STT3B: variants seen among roughly 807,000 people sequenced by gnomAD.
The protein encoded by STT3B is STT3 oligosaccharyltransferase complex catalytic subunit B, also known as dolichyl-diphosphooligosaccharide--protein glycosyltransferase subunit STT3B.
A neutral mutation model predicts 96.8 loss-of-function variants in STT3B; 29 were observed. That is an observed-to-expected ratio of 0.30 (90% CI 0.22 to 0.41). The LOEUF is 0.41. Ranked by LOEUF, STT3B falls within the 10% of genes least tolerant of loss-of-function variation. The pLI is 1.00. For missense variants in STT3B, 640 were observed against 1,022.3 expected, an observed-to-expected ratio of 0.63 and a Z score of 5.10; for synonymous variants, 367 against 360.0, an observed-to-expected ratio of 1.02 and a Z score of -0.22.
At position 31,633,095 on chromosome 3, in the gene STT3B, A is replaced by G. The variant is rs1447381628; in HGVS notation, c.2348A>G (p.His783Arg). 1 of 1,614,104 alleles carries G rather than the reference A, an allele frequency of 6.2e-7. No individual in the cohort carries two copies. Among genetic ancestry groups the G allele is most frequent in the Non-Finnish European group, 8.5e-7 (1 of 1,179,966 alleles). The change falls in exon 15 of 16, where the codon CAC (histidine) becomes CGC (arginine). Residue 783 changes from histidine to arginine, a missense_variant. Around this residue, in one of 8 missense-constraint regions of STT3B, gnomAD observed 51 missense variants for 64.2 expected, o/e 0.79. Coordinates refer to ENST00000295770, the MANE Select transcript of STT3B (RefSeq NM_178862.3). The stretch of plus-strand genomic sequence containing the variant: ...CCTGATAACAGGGAGACATTAGATC[A>G]CAAACCTCGAGTCACCAACATTTTC... ...KAPDNRETLD[H>R]KPRVTNIFPK... is the part of the protein sequence containing the mutation.
Position 31,533,322 on chromosome 3 carries a change from T to A in STT3B, c.314+10T>A. The A allele has an allele frequency of 6.6e-7, 1 of 1,513,960 alleles. No homozygotes were observed. The highest frequency in any genetic ancestry group is 8.9e-7 in the Non-Finnish European group (1 of 1,129,790). 93.8% of individuals were successfully genotyped at this position (1,513,960 alleles called of 1,614,324 possible). ...ACGAGTTCGACCCGTGGTAAGTGCC[T>A]CGCCGCCCCTCCCCCGCCCGTGGCC... On this transcript the variant is annotated intron_variant, in intron 1 of 15. Transcript: ENST00000295770.
intron 1 of STT3B, among the ~76,000 whole-genome samples, chr3:31,561,088 TTC>T (rs910095983): frequency 1.3e-5 from 2 of 152,028 alleles, no homozygotes; most frequent in Admixed American, 6.5e-5. Flanking sequence ...GTTCTAGAAT[TTC>T]TGTTTGGTTC....
In STT3B at chr3:31,576,480, A is replaced by G; in HGVS notation, c.399A>G (p.Pro133=). The stretch of plus-strand genomic sequence containing the variant: ...GGTTTGATGAAAGAGCATGGTATCC[A>G]CTAGGAAGAATAGTAGGTGGTACTG... ...LNWFDERAWY[P]LGRIVGGTVY... is the part of the protein sequence containing the mutation. The change falls in exon 2 of 16, where the codon CCA becomes CCG. Residue 133 remains proline, a synonymous_variant. Coordinates refer to ENST00000295770, the MANE Select transcript of STT3B (RefSeq NM_178862.3). 6.3e-7 allele frequency: 1 copy of G among 1,590,788 alleles called. No individual in the cohort carries two copies. Among genetic ancestry groups the G allele is most frequent in the Non-Finnish European group, 8.6e-7 (1 of 1,163,426 alleles).
chr3:31,557,981 C>T (rs558593517), intron 1 of STT3B, among the ~76,000 whole-genome samples: 17 of 152,192 alleles, frequency 1.1e-4, no homozygotes, highest in Admixed American at 5.9e-4. Context: ...GCTAGTTTGT[C>T]ATTGACATAT....
chr3:31,535,130 G>T (rs1458457094), intron 1 of STT3B, among the ~76,000 whole-genome samples: 1 of 151,928 alleles, frequency 6.6e-6, no homozygotes, highest in African/African-American at 2.4e-5. Flanking sequence ...GAAGGCTAAC[G>T]ACTGTTTAAT....
intron 1 of STT3B, among the ~76,000 whole-genome samples, chr3:31,541,464 C>CT (rs1318453174): frequency 1.1e-4 from 13 of 118,642 alleles, no homozygotes; most frequent in East Asian, 2.5e-4. Flanking sequence ...CTTTTTTTTT[C>CT]TTTTTTTGTT....
At chr3:31,633,178 A>G (rs1699696416) in intron 15 of STT3B, 31 bp downstream of exon 15, 3 of 1,582,110 alleles carry the variant, frequency 1.9e-6, no homozygotes, top group Non-Finnish European at 2.6e-6. Flanking sequence ...TTAAAGGGTA[A>G]CTTAAGGTGT....
chr3:31,569,291 A>G (rs1698082360), intron 1 of STT3B, among the ~76,000 whole-genome samples: 1 of 152,156 alleles, frequency 6.6e-6, no homozygotes, highest in Non-Finnish European at 1.5e-5. Context: ...TACATCAGCC[A>G]TATGCTTTAA....
chr3:31,588,667 T>G (rs1698599975), intron 3 of STT3B, among the ~76,000 whole-genome samples: 1 of 152,264 alleles, frequency 6.6e-6, no homozygotes, highest in African/African-American at 2.4e-5. Flanking sequence ...ATGTCTGTGA[T>G]TCATTTTGAG....
intron 13 of STT3B, 128 bp downstream of exon 13, chr3:31,626,255 T>C: frequency 1.2e-6 from 1 of 824,236 alleles, no homozygotes; most frequent in Non-Finnish European, 1.8e-6. Flanking sequence ...TACCCTGGCT[T>C]TACTATTTAT....
At chr3:31,604,937 G>T (rs1699014220) in intron 5 of STT3B, among the ~76,000 whole-genome samples, 1 of 152,084 alleles carries the variant, frequency 6.6e-6, no homozygotes, top group Non-Finnish European at 1.5e-5. Context: ...ATGTCCTTAG[G>T]CCTTAATGTC....
intron 15 of STT3B, among the ~76,000 whole-genome samples, chr3:31,634,638 A>G (rs897232462): frequency 3.3e-5 from 5 of 152,180 alleles, no homozygotes; most frequent in African/African-American, 1.2e-4. Context: ...CTGAGAGTTT[A>G]CCAGCCATCG....
chr3:31,631,476 C>T (rs1157731685), intron 14 of STT3B, among the ~76,000 whole-genome samples: 2 of 152,156 alleles, frequency 1.3e-5, no homozygotes, highest in South Asian at 2.1e-4. Context: ...TTTTCTTCCT[C>T]TCTTTTAAGT....
At chr3:31,603,092 GA>G in intron 5 of STT3B, among the ~76,000 whole-genome samples, 1 of 151,980 alleles carries the variant, frequency 6.6e-6, no homozygotes, top group Non-Finnish European at 1.5e-5. Flanking sequence ...CCCTTGAGCA[GA>G]AATGTTTAGG....
intron 15 of STT3B, 45 bp downstream of exon 15, chr3:31,633,192 G>C: frequency 1.3e-6 from 2 of 1,525,540 alleles, no homozygotes; most frequent in Non-Finnish European, 1.8e-6. Context: ...AAGGTGTGTT[G>C]GTTTGTATGA....
At chr3:31,608,431 G>C (rs1699107063) in intron 5 of STT3B, among the ~76,000 whole-genome samples, 1 of 152,154 alleles carries the variant, frequency 6.6e-6, no homozygotes, top group South Asian at 2.1e-4. Flanking sequence ...GAAACTGAAA[G>C]TTCAAACACA....
At chr3:31,549,415 T>A (rs1430294792) in intron 1 of STT3B, among the ~76,000 whole-genome samples, 1 of 152,058 alleles carries the variant, frequency 6.6e-6, no homozygotes, top group African/African-American at 2.4e-5. Flanking sequence ...TGAGTGATTG[T>A]TTTATTTTAG....
intron 2 of STT3B, among the ~76,000 whole-genome samples, chr3:31,576,767 G>A (rs1445776422): frequency 1.3e-5 from 2 of 152,078 alleles, no homozygotes; most frequent in Non-Finnish European, 2.9e-5. Context: ...CTGTCACAGT[G>A]TATCTGAATG....
intron 1 of STT3B, among the ~76,000 whole-genome samples, chr3:31,536,236 T>G (rs1305274831): frequency 2.6e-5 from 4 of 152,254 alleles, no homozygotes; most frequent in Non-Finnish European, 5.9e-5. Context: ...CTTTTAAATC[T>G]AGTTTTCTTC....
Sources: gnomAD v4.1 joint callset for allele counts (sites outside exome capture counted in the v4.1 genomes callset) on GRCh38, gnomAD v4.1.1 for gene constraint, gnomAD v4.1.1 regional missense constraint, MANE v1.5 for transcripts, NCBI Gene and HGNC (gene_info 2026-07-23, HGNC 2026-07-21) for gene names.